The following TSPAN18 variants were observed in gnomAD, a reference collection of about 807,000 sequenced individuals.
The protein encoded by TSPAN18 is tetraspanin 18.
Under a neutral mutation model 27.3 loss-of-function variants are expected in TSPAN18, and 14 were observed. The observed-to-expected ratio is 0.51, with a 90% CI of 0.34 to 0.80. TSPAN18 has a LOEUF of 0.80. Ranked by LOEUF, TSPAN18 falls within the 30% of genes least tolerant of loss-of-function variation. TSPAN18 has a pLI of 0.01. For missense variants in TSPAN18, 268 were observed against 323.9 expected, an observed-to-expected ratio of 0.83 and a Z score of 1.32; for synonymous variants, 143 against 136.5, an observed-to-expected ratio of 1.05 and a Z score of -0.33.
intron 2 of TSPAN18, among the ~76,000 whole-genome samples, chr11:44,789,507 G>A (rs970934916): frequency 6.6e-6 from 1 of 152,174 alleles, no homozygotes; most frequent in Non-Finnish European, 1.5e-5. Flanking sequence ...TCTTGAAGGG[G>A]GATTGTAGAA....
Position 44,926,715 on chromosome 11 carries a change from C to T in TSPAN18, c.657C>T (p.Val219=). Residue 219 remains valine (V), a synonymous_variant, in exon 9 of 10, where the codon GTC becomes GTT. Transcript: ENST00000520358. ...TVILNTFETY[V]YLAGALAIGV... Reference sequence around the variant, plus strand: ...TCCTCAACACCTTCGAGACCTACGTCTACTTGGCCGGAGCCCTTGCCATCG... The same window carrying T: ...TCCTCAACACCTTCGAGACCTACGTTTACTTGGCCGGAGCCCTTGCCATCG... 6.2e-7 allele frequency: 1 copy of T among 1,614,172 alleles called. No individual in the cohort carries two copies. Among genetic ancestry groups the T allele is most frequent in the East Asian group, 2.2e-5 (1 of 44,890 alleles).
At chr11:44,787,845 C>G (rs1434536963) in intron 2 of TSPAN18, among the ~76,000 whole-genome samples, 1 of 152,114 alleles carries the variant, frequency 6.6e-6, no homozygotes, top group Non-Finnish European at 1.5e-5. Context: ...TCAGAAGACC[C>G]CAATGTTACT....
At chr11:44,787,806 C>CT (rs1565149116) in intron 2 of TSPAN18, among the ~76,000 whole-genome samples, 2 of 152,242 alleles carry the variant, frequency 1.3e-5, no homozygotes, top group South Asian at 4.1e-4. Context: ...TGTAGCAGTC[C>CT]TTTTTTGCGA....
At chr11:44,911,676 C>A (rs1590677244) in intron 5 of TSPAN18, among the ~76,000 whole-genome samples, 1 of 152,048 alleles carries the variant, frequency 6.6e-6, no homozygotes, top group Non-Finnish European at 1.5e-5. Context: ...TTAATGGGCT[C>A]GGCTCTGAAG....
At chr11:44,922,176 G>A (rs1282940896) in intron 8 of TSPAN18, among the ~76,000 whole-genome samples, 5 of 148,664 alleles carry the variant, frequency 3.4e-5, no homozygotes, top group Admixed American at 3.4e-4. Flanking sequence ...GAGTGCAATG[G>A]CACAATCCTG....
In TSPAN18 at chr11:44,919,324, C is replaced by T; in HGVS notation, c.432+12C>T. On this transcript the variant is annotated intron_variant, in intron 7 of 9. Transcript: ENST00000520358. ...CGGTCATGATCACAGTGAGTGACGCCCCAGAGATGCTATGAACATTCAGAG... is the reference window on the plus strand; with the variant it reads ...CGGTCATGATCACAGTGAGTGACGCTCCAGAGATGCTATGAACATTCAGAG... 5 of 1,607,604 alleles carry T rather than the reference C, an allele frequency of 3.1e-6. No homozygotes were observed. Among genetic ancestry groups the T allele is most frequent in the Non-Finnish European group, 4.3e-6 (5 of 1,174,354 alleles).
intron 2 of TSPAN18, among the ~76,000 whole-genome samples, chr11:44,821,642 A>G (rs553439943): frequency 8.5e-5 from 13 of 152,308 alleles, no homozygotes; most frequent in Non-Finnish European, 1.6e-4. Context: ...TTCTCATCTG[A>G]AGAATGGGGA....
intron 2 of TSPAN18, among the ~76,000 whole-genome samples, chr11:44,827,732 G>T (rs939936914): frequency 6.6e-6 from 1 of 152,222 alleles, no homozygotes; most frequent in African/African-American, 2.4e-5. Context: ...CATGTGGGAA[G>T]CTCAGTGTGC....
chr11:44,890,137 C>G (rs1858794292), intron 3 of TSPAN18, among the ~76,000 whole-genome samples: 1 of 152,186 alleles, frequency 6.6e-6, no homozygotes. Context: ...GAAGGATGAT[C>G]TGGGGGAAGG....
intron 4 of TSPAN18, among the ~76,000 whole-genome samples, chr11:44,908,813 A>AGG (rs1484354532): frequency 2.2e-4 from 25 of 115,848 alleles, no homozygotes; most frequent in South Asian, 8.4e-4. Flanking sequence ...GAAAGAAAGA[A>AGG]AGAAAGAAAG....
At chr11:44,752,065 G>A (rs544948813) in intron 1 of TSPAN18, among the ~76,000 whole-genome samples, 2 of 152,242 alleles carry the variant, frequency 1.3e-5, no homozygotes, top group East Asian at 3.9e-4. Flanking sequence ...CAGTGTTTTG[G>A]ACTGAACTCT....
At chr11:44,867,612 T>C (rs1312422099) in intron 3 of TSPAN18, among the ~76,000 whole-genome samples, 1 of 151,968 alleles carries the variant, frequency 6.6e-6, no homozygotes, top group East Asian at 1.9e-4. Flanking sequence ...TTGACCAGGG[T>C]GGTCTCAAAC....
intron 2 of TSPAN18, among the ~76,000 whole-genome samples, chr11:44,834,622 C>G (rs1857226837): frequency 2.0e-5 from 3 of 152,190 alleles, no homozygotes; most frequent in Non-Finnish European, 4.4e-5. Flanking sequence ...GGGGGTTAGG[C>G]AGGCAGGCTC....
At chr11:44,856,778 G>A (rs573957603) in intron 2 of TSPAN18, among the ~76,000 whole-genome samples, 1 of 152,060 alleles carries the variant, frequency 6.6e-6, no homozygotes, top group Non-Finnish European at 1.5e-5. Flanking sequence ...CCAGCCCCAC[G>A]CAAATTTCGG....
At chr11:44,733,571 G>A (rs952035352) in intron 1 of TSPAN18, among the ~76,000 whole-genome samples, 2 of 146,906 alleles carry the variant, frequency 1.4e-5, no homozygotes, top group Non-Finnish European at 3.0e-5. Context: ...TCTCCTCCCT[G>A]CATTCCTCAA....
chr11:44,908,794 A>AGAAG (rs1859580047), intron 4 of TSPAN18, among the ~76,000 whole-genome samples: 2 of 77,858 alleles, frequency 2.6e-5, no homozygotes, highest in Non-Finnish European at 2.8e-5. Flanking sequence ...AAAGAAAGAA[A>AGAAG]GAAAGAAAGA....
intron 2 of TSPAN18, among the ~76,000 whole-genome samples, chr11:44,771,010 G>A (rs529225240): frequency 1.3e-5 from 2 of 152,248 alleles, no homozygotes; most frequent in South Asian, 4.2e-4. Flanking sequence ...AGGAGTGGAT[G>A]GAGATATGCA....
In TSPAN18 at chr11:44,932,017, T is replaced by C. The variant is rs1860587358; in HGVS notation, c.*2839T>C. ...CTTAGAGAAAGGGAATAGCTCTTTA[T>C]GGGCTGGGGGTGAGGGCCCCTCCCC... On this transcript the variant is annotated 3_prime_UTR_variant, in exon 10 of 10. Coordinates refer to ENST00000520358, the MANE Select transcript of TSPAN18 (RefSeq NM_130783.5). The C allele has an allele frequency of 1.3e-5, 2 of 152,244 alleles. No homozygotes were observed. The highest frequency in any genetic ancestry group is 4.8e-5 in the African/African-American group (2 of 41,438). The allele number at this position is 152,244 out of a possible 1,614,324, so 9.4% of individuals were successfully genotyped here.
intron 5 of TSPAN18, chr11:44,917,708 C>A: frequency 2.0e-6 from 1 of 498,244 alleles, no homozygotes; most frequent in East Asian, 3.5e-5. Flanking sequence ...GCACACTGTA[C>A]GAGGGGCCTC....
Sources: allele counts gnomAD v4.1 joint callset (sites outside exome capture counted in the v4.1 genomes callset), GRCh38; gene constraint gnomAD v4.1.1; transcripts MANE v1.5; gene names NCBI Gene and HGNC (gene_info 2026-07-23, HGNC 2026-07-21).